Variants in CPNE8 observed in about 807,000 individuals in gnomAD.
The protein encoded by CPNE8 is copine 8.
CPNE8 carries 45 observed loss-of-function variants against 81.5 expected under a neutral mutation model. The observed-to-expected ratio is 0.55, with a 90% CI of 0.44 to 0.71. The LOEUF (loss-of-function observed/expected upper bound fraction) is 0.71, where lower values mean the gene tolerates loss of function less well. Ranked by LOEUF, CPNE8 falls within the 30% of genes least tolerant of loss-of-function variation. The probability of loss-of-function intolerance (pLI) is 0.00; values close to 1 mark genes in which losing one functional copy is unlikely to be tolerated. For missense variants in CPNE8, 594 were observed against 672.1 expected (o/e 0.88, Z 1.28); for synonymous variants, 252 against 226.3 (o/e 1.11, Z -1.02).
chr12:38,793,543 A>G (rs1158125623), intron 6 of CPNE8, among the ~76,000 whole-genome samples: 1 of 151,994 alleles, frequency 6.6e-6, no homozygotes, highest in East Asian at 1.9e-4. Context: ...AATTAAAACC[A>G]CAAAACACTG....
chr12:38,849,754 G>A (rs1015269676), intron 3 of CPNE8, among the ~76,000 whole-genome samples: 9 of 152,060 alleles, frequency 5.9e-5, no homozygotes, highest in South Asian at 2.1e-4. Context: ...TATAACCCAC[G>A]TCACTAATTC....
intron 3 of CPNE8, among the ~76,000 whole-genome samples, chr12:38,857,737 C>G (rs1218610288): frequency 6.6e-6 from 1 of 151,994 alleles, no homozygotes; most frequent in South Asian, 2.1e-4. Flanking sequence ...ATGGCGAACC[C>G]CCAAAAAAAA....
intron 1 of CPNE8, among the ~76,000 whole-genome samples, chr12:38,895,235 A>C (rs547644034): frequency 4.1e-4 from 63 of 152,216 alleles, no homozygotes; most frequent in African/African-American, 1.5e-3. Flanking sequence ...GAAATTCTGA[A>C]GAATGAATTT....
At chr12:38,793,357 G>C (rs572696167) in intron 6 of CPNE8, among the ~76,000 whole-genome samples, 1 of 138,572 alleles carries the variant, frequency 7.2e-6, no homozygotes, top group African/African-American at 2.8e-5. Flanking sequence ...CACACACACT[G>C]TTAGAACTAA....
In CPNE8 at chr12:38,852,076, C is replaced by T. The variant is rs537387597; in HGVS notation, c.187-3414G>A. Among the ~76,000 whole-genome samples, 5 of 152,298 alleles carry T rather than the reference C, an allele frequency of 3.3e-5. No homozygotes were observed. In the South Asian group the frequency reaches 6.2e-4, roughly 19 times the overall value. ...GAAATAGGTGCTCCATTCTTAGTCT[C>T]TCTCATAGCACCTGTCTTCCCCCTT... On this transcript the variant is annotated intron_variant, in intron 3 of 19. Transcript: ENST00000331366.
intron 6 of CPNE8, among the ~76,000 whole-genome samples, chr12:38,803,725 G>T (rs1379226448): frequency 6.7e-6 from 1 of 149,502 alleles, no homozygotes; most frequent in Non-Finnish European, 1.5e-5. Context: ...AATTGTCCCT[G>T]TTTGCAGACG....
chr12:38,660,827 C>T (rs929549291), intron 19 of CPNE8, among the ~76,000 whole-genome samples: 1 of 152,122 alleles, frequency 6.6e-6, no homozygotes, highest in African/African-American at 2.4e-5. Context: ...TCTCAAAAGA[C>T]ATTTATGCAG....
intron 10 of CPNE8, among the ~76,000 whole-genome samples, chr12:38,758,920 G>A (rs1285666965): frequency 1.3e-5 from 2 of 152,078 alleles, no homozygotes; most frequent in Non-Finnish European, 2.9e-5. Flanking sequence ...TATAATTTCA[G>A]CAAATTTAGG....
Position 38,803,357 on chromosome 12 carries a change from G to A in CPNE8, c.407+26022C>T, listed in dbSNP as rs1274199580. 7.2e-3 allele frequency among the ~76,000 whole-genome samples: 974 copies of A among 134,392 alleles called. 17 individuals are homozygous for A. The highest frequency in any genetic ancestry group is 0.033 in the Middle Eastern group (9 of 272). 88.2% of individuals were successfully genotyped at this position (134,392 alleles called of 152,430 possible). ...GGGATGCAAGGCTGGTTCAATATAC[G>A]CAAATCAATAAATGTAATCCAGCAT... On this transcript the variant is annotated intron_variant, in intron 6 of 19. Transcript: ENST00000331366.
At chr12:38,735,065 A>G (rs181454777) in intron 10 of CPNE8, among the ~76,000 whole-genome samples, 2 of 152,206 alleles carry the variant, frequency 1.3e-5, no homozygotes, top group East Asian at 3.9e-4. Flanking sequence ...TCTAATTTGG[A>G]TGCTGAAGGG....
intron 6 of CPNE8, among the ~76,000 whole-genome samples, chr12:38,810,182 C>CA (rs1942904451): frequency 1.3e-5 from 2 of 152,110 alleles, no homozygotes; most frequent in Admixed American, 6.5e-5. Context: ...CTTCTGCTGA[C>CA]AAAAAATCCT....
chr12:38,682,371 A>G (rs1051636322), intron 16 of CPNE8, among the ~76,000 whole-genome samples: 25 of 152,172 alleles, frequency 1.6e-4, no homozygotes, highest in African/African-American at 5.8e-4. Flanking sequence ...CAGACTGGCC[A>G]ACATGGCAAA....
chr12:38,693,321 T>G (rs1400002372), intron 15 of CPNE8, among the ~76,000 whole-genome samples: 1 of 152,126 alleles, frequency 6.6e-6, no homozygotes, highest in African/African-American at 2.4e-5. Context: ...TCCCATTATA[T>G]TCTGCTTGAA....
chr12:38,767,551 T>G, intron 8 of CPNE8, 84 bp downstream of exon 8: 1 of 813,232 alleles, frequency 1.2e-6, no homozygotes, highest in Non-Finnish European at 1.9e-6. Flanking sequence ...CATTTATCAA[T>G]TTAATGAGCT....
intron 6 of CPNE8, among the ~76,000 whole-genome samples, chr12:38,782,691 T>C (rs1942081762): frequency 6.6e-6 from 1 of 151,990 alleles, no homozygotes. Flanking sequence ...TTGTTTTGTT[T>C]TTTTTTTGAG....
chr12:38,810,980 G>C (rs755082126), intron 6 of CPNE8, among the ~76,000 whole-genome samples: 1 of 151,886 alleles, frequency 6.6e-6, no homozygotes, highest in Admixed American at 6.6e-5. Context: ...CTTCTGTTTT[G>C]AAGGGCTCAT....
intron 1 of CPNE8, among the ~76,000 whole-genome samples, chr12:38,896,278 A>G (rs928512765): frequency 2.0e-5 from 3 of 152,128 alleles, no homozygotes; most frequent in Non-Finnish European, 4.4e-5. Flanking sequence ...TTCTTCACAG[A>G]ATAAACCTGA....
At chr12:38,841,954 C>G (rs1943474124) in intron 4 of CPNE8, among the ~76,000 whole-genome samples, 1 of 151,594 alleles carries the variant, frequency 6.6e-6, no homozygotes, top group African/African-American at 2.4e-5. Context: ...TCTCTTCCAA[C>G]AGCACACACT....
intron 11 of CPNE8, among the ~76,000 whole-genome samples, chr12:38,728,949 T>C (rs1346365085): frequency 6.6e-6 from 1 of 152,126 alleles, no homozygotes; most frequent in Non-Finnish European, 1.5e-5. Context: ...TAAGAACACA[T>C]AAACATTATT....
Sources: gnomAD v4.1 joint callset for allele counts (sites outside exome capture counted in the v4.1 genomes callset) on GRCh38, gnomAD v4.1.1 for gene constraint, MANE v1.5 for transcripts, NCBI Gene and HGNC (gene_info 2026-07-23, HGNC 2026-07-21) for gene names.